The following AHCY variants were observed in gnomAD, a reference collection of about 807,000 sequenced individuals.
AHCY encodes S-adenosyl-L-homocysteine hydrolase.
Under a neutral mutation model 45.4 loss-of-function variants are expected in AHCY, and 24 were observed. The ratio of observed to expected loss-of-function variants is 0.53; its 90% CI spans 0.38 to 0.74. The LOEUF (loss-of-function observed/expected upper bound fraction) is 0.74. Ranked by LOEUF, AHCY falls within the 30% of genes least tolerant of loss-of-function variation. The pLI, the probability that AHCY is intolerant of heterozygous loss-of-function variation, is 0.00. For missense variants in AHCY, 449 were observed against 594.1 expected (o/e 0.76, Z 2.54); for synonymous variants, 245 against 235.1 (o/e 1.04, Z -0.39).
chr20:34,237,723 T>C, the AHCY span, among the ~76,000 whole-genome samples: 163 of 152,338 alleles, frequency 1.1e-3, no homozygotes, highest in African/African-American at 3.7e-3. Context: ...ATCTTTGTCT[T>C]GTTCTTGATG....
the AHCY span, among the ~76,000 whole-genome samples, chr20:34,274,121 C>T: frequency 5.3e-5 from 8 of 152,166 alleles, no homozygotes; most frequent in East Asian, 1.5e-3. Context: ...GCTGTATAGA[C>T]TACCAGAGCA....
the AHCY span, among the ~76,000 whole-genome samples, chr20:34,256,734 C>T: frequency 6.6e-6 from 1 of 152,200 alleles, no homozygotes. Context: ...CGTACCGCCT[C>T]CTAATTTATA....
chr20:34,293,726 C>T (rs2036479048), intron 3 of AHCY: 2 of 380,868 alleles, frequency 5.3e-6, no homozygotes, highest in African/African-American at 2.1e-5. Flanking sequence ...GACCGCCATA[C>T]CCTAGGCAGT....
At chr20:34,289,151 C>T (rs186939117) in intron 8 of AHCY, among the ~76,000 whole-genome samples, 12 of 151,014 alleles carry the variant, frequency 7.9e-5, no homozygotes, top group Middle Eastern at 3.5e-3. Flanking sequence ...TTACAGGCAC[C>T]CACCACCATG....
At chr20:34,241,339 T>G in the AHCY span, 447 of 539,164 alleles carry the variant, frequency 8.3e-4, no homozygotes, top group Middle Eastern at 1.9e-3. Context: ...TTCCTGCCTG[T>G]GAGATGTGGT....
At chr20:34,298,138 C>T (rs1436783537) in intron 1 of AHCY, among the ~76,000 whole-genome samples, 3 of 151,444 alleles carry the variant, frequency 2.0e-5, no homozygotes, top group Non-Finnish European at 2.9e-5. Flanking sequence ...GACTCGGTCT[C>T]AAAAAAATAA....
the AHCY span, chr20:34,260,310 C>T: frequency 2.0e-6 from 3 of 1,527,208 alleles, no homozygotes; most frequent in Non-Finnish European, 2.7e-6. Context: ...AGCAGGAAGG[C>T]CTCTTACCAT....
At chr20:34,253,083 A>T in the AHCY span, among the ~76,000 whole-genome samples, 18,753 of 152,032 alleles carry the variant, frequency 0.12, 1,257 homozygotes, top group East Asian at 0.22. Flanking sequence ...ACATAGACAC[A>T]GTAACAACCT....
the AHCY span, chr20:34,262,976 G>A: frequency 6.7e-7 from 1 of 1,492,748 alleles, no homozygotes; most frequent in Middle Eastern, 1.8e-4. Context: ...CTCTGGCTAG[G>A]AACTAAATGA....
At chr20:34,246,399 C>A in the AHCY span, 1 of 1,383,616 alleles carries the variant, frequency 7.2e-7, no homozygotes, top group African/African-American at 1.4e-5. Context: ...TGAGCAACAT[C>A]AGGCATATAT....
intron 8 of AHCY, chr20:34,286,498 C>T (rs1217908638): frequency 6.6e-6 from 1 of 152,104 alleles, no homozygotes; most frequent in Non-Finnish European, 1.5e-5. Context: ...AGCTGAATGC[C>T]GTGGCGCTCA....
At chr20:34,291,988 C>T (rs942887843) in intron 4 of AHCY, among the ~76,000 whole-genome samples, 48 of 152,368 alleles carry the variant, frequency 3.2e-4, no homozygotes, top group Middle Eastern at 3.4e-3. Context: ...ACACCATACC[C>T]GCAGTGAAGG....
Position 34,285,458 on chromosome 20 carries a change from A to T in AHCY, c.1149T>A (p.Val383=). 1 of 1,614,024 alleles carries T rather than the reference A, an allele frequency of 6.2e-7. No individual in the cohort carries two copies. The highest frequency in any genetic ancestry group is 8.5e-7 in the Non-Finnish European group (1 of 1,179,882). The change falls in exon 9 of 10, where the codon GTT becomes GTA. Residue 383 remains valine, a synonymous_variant. Transcript: ENST00000217426. The part of the protein sequence containing the change: ...WTHPDKYPVG[V]HFLPKKLDEA... Reference sequence around the variant, plus strand: ...AACCCACCTTCTTGGGCAGGAAATGAACCCCAACGGGGTACTTGTCTGGAT... The same window carrying T: ...AACCCACCTTCTTGGGCAGGAAATGTACCCCAACGGGGTACTTGTCTGGAT...
At chr20:34,292,622 C>T (rs2036436764) in intron 3 of AHCY, 115 bp from the exon 4 acceptor site, 28 of 1,472,298 alleles carry the variant, frequency 1.9e-5, no homozygotes, top group Admixed American at 3.4e-5. Context: ...CAGCCACCTC[C>T]GGCCCCTCTG....
chr20:34,278,342 G>A (rs538496814), downstream of AHCY, among the ~76,000 whole-genome samples: 5 of 152,326 alleles, frequency 3.3e-5, no homozygotes, highest in African/African-American at 9.6e-5. Flanking sequence ...GATCTGGCAG[G>A]AGGAAGCATT....
At chr20:34,269,421 C>CG in the AHCY span, 1 of 474,378 alleles carries the variant, frequency 2.1e-6, no homozygotes, top group Non-Finnish European at 3.6e-6. Flanking sequence ...GCTGCTCTCC[C>CG]GGGGCTCAGG....
intron 1 of AHCY, among the ~76,000 whole-genome samples, chr20:34,298,120 C>G (rs2036631319): frequency 6.6e-6 from 1 of 152,168 alleles, no homozygotes; most frequent in African/African-American, 2.4e-5. Context: ...GCCTGGGTGA[C>G]AGAGTGAGAC....
chr20:34,258,943 T>C, the AHCY span, among the ~76,000 whole-genome samples: 1 of 143,068 alleles, frequency 7.0e-6, no homozygotes, highest in Non-Finnish European at 1.5e-5. Context: ...CAAATATGGC[T>C]GAGTGGTGGC....
the AHCY span, among the ~76,000 whole-genome samples, chr20:34,271,994 G>A: frequency 1.3e-5 from 2 of 151,682 alleles, no homozygotes; most frequent in Non-Finnish European, 2.9e-5. Flanking sequence ...TAGAGGGTTA[G>A]TCTCCTGGGG....
Sources: gnomAD v4.1 joint callset for allele counts (sites outside exome capture counted in the v4.1 genomes callset) on GRCh38, gnomAD v4.1.1 for gene constraint, MANE v1.5 for transcripts, NCBI Gene and HGNC (gene_info 2026-07-23, HGNC 2026-07-21) for gene names.